Variants in SNRK observed in about 807,000 individuals in gnomAD.
SNRK encodes SNF-related serine/threonine-protein kinase.
In SNRK, 3 loss-of-function variants were observed where a neutral mutation model predicts 48.2. The ratio of observed to expected loss-of-function variants is 0.06; its 90% CI spans 0.03 to 0.16. The LOEUF is 0.16. SNRK is among the 10% of genes least tolerant of loss of function. The pLI is 1.00. For synonymous variants in SNRK, 376 were observed against 366.1 expected (o/e 1.03, Z -0.31); for missense variants, 627 against 976.0 (o/e 0.64, Z 4.76).
chr3:43,290,171 T>G (rs2090799929), intron 1 of SNRK, among the ~76,000 whole-genome samples: 2 of 152,224 alleles, frequency 1.3e-5, no homozygotes, highest in Non-Finnish European at 2.9e-5. Context: ...CAGAGACTAC[T>G]TCTTTGATCT....
chr3:43,287,738 A>G (rs1047570157), intron 1 of SNRK, among the ~76,000 whole-genome samples: 3 of 152,194 alleles, frequency 2.0e-5, no homozygotes, highest in Admixed American at 6.5e-5. Flanking sequence ...GGCTCCTTGT[A>G]TGGGATTGGA....
At chr3:43,307,526 T>A (rs77121015) in intron 3 of SNRK, among the ~76,000 whole-genome samples, 1 of 152,226 alleles carries the variant, frequency 6.6e-6, no homozygotes, top group African/African-American at 2.4e-5. Flanking sequence ...TTTTAAACTT[T>A]GTCATTATTT....
intron 3 of SNRK, among the ~76,000 whole-genome samples, chr3:43,306,566 T>G (rs1377187035): frequency 2.0e-5 from 3 of 151,568 alleles, no homozygotes; most frequent in Non-Finnish European, 4.4e-5. Flanking sequence ...ATCTTTGAGG[T>G]TTCCTATTTT....
intron 3 of SNRK, 63 bp from the exon 4 acceptor site, chr3:43,332,106 C>T (rs1380422702): frequency 1.6e-5 from 19 of 1,209,578 alleles, no homozygotes; most frequent in Non-Finnish European, 2.0e-5. Flanking sequence ...ATTGTTAGCG[C>T]ACTTTTAATG....
At position 43,348,219 on chromosome 3, in the gene SNRK, C is replaced by G; in HGVS notation, c.1960C>G (p.Leu654Val). The change falls in exon 7 of 7, where the codon CTC becomes GTC. Residue 654 changes from leucine to valine, a missense_variant. Around this residue, in one of 4 missense-constraint regions of SNRK, gnomAD observed 207 missense variants for 234.3 expected, o/e 0.88. Transcript: ENST00000296088. ...GAGCCTCAAACTCATGAGCCTCTGC[C>G]TCGGCTCCCAGCTTCATGGGAGCAC... is the stretch of plus-strand genomic sequence containing the variant. Reference protein sequence around the residue: ...VESLKLMSLCLGSQLHGSTKY... With the variant: ...VESLKLMSLCVGSQLHGSTKY... 6.2e-7 allele frequency: 1 copy of G among 1,611,286 alleles called. No homozygotes were observed. Among genetic ancestry groups the G allele is most frequent in the Non-Finnish European group, 8.5e-7 (1 of 1,178,662 alleles).
At chr3:43,324,460 G>A (rs867035472) in intron 3 of SNRK, among the ~76,000 whole-genome samples, 1 of 149,448 alleles carries the variant, frequency 6.7e-6, no homozygotes, top group Middle Eastern at 3.6e-3. Flanking sequence ...AGTAAGCTGC[G>A]ATCGTGTCAC....
In SNRK at chr3:43,297,939, AAG is replaced by A. The variant is rs201980237; in HGVS notation, c.-168-1809_-168-1808del. 4.1e-3 allele frequency among the ~76,000 whole-genome samples: 622 copies of A among 152,216 alleles called. 6 individuals are homozygous for A. The highest frequency in any genetic ancestry group is 0.014 in the African/African-American group (589 of 41,534). On this transcript the variant is annotated intron_variant, in intron 1 of 6. Coordinates refer to ENST00000296088, the MANE Select transcript of SNRK (RefSeq NM_017719.5). ...GAACTGGTCTATCTTATGAAAGCAA[AAG>A]AGAGATAATAGTTTGGTGAATTCAT...
intron 3 of SNRK, among the ~76,000 whole-genome samples, chr3:43,317,735 G>A (rs1011607980): frequency 3.9e-5 from 6 of 152,064 alleles, no homozygotes; most frequent in Non-Finnish European, 5.9e-5. Context: ...AGCCACTCTT[G>A]CCCCTGATTT....
chr3:43,317,671 G>C (rs2091023669), intron 3 of SNRK, among the ~76,000 whole-genome samples: 2 of 152,050 alleles, frequency 1.3e-5, no homozygotes, highest in African/African-American at 4.8e-5. Context: ...CTTGCTGTTA[G>C]GCACACTCCA....
chr3:43,306,269 A>G (rs2090937255), intron 3 of SNRK, among the ~76,000 whole-genome samples: 1 of 234 alleles, frequency 4.3e-3, no homozygotes, highest in Non-Finnish European at 0.042. Flanking sequence ...GTTAATCTAC[A>G]TTAGTTTATC....
chr3:43,323,820 AACAGTCT>A (rs2125633993), intron 3 of SNRK, among the ~76,000 whole-genome samples: 1 of 152,280 alleles, frequency 6.6e-6, no homozygotes, highest in East Asian at 1.9e-4. Context: ...CAGACTGCAA[AACAGTCT>A]GCATTATTGA....
Position 43,310,453 on chromosome 3 carries a change from C to G in SNRK, c.589+6661C>G, listed in dbSNP as rs140444001. ...TTTTTACTTCTTTTTTGGTTAATAA[C>G]ATTCTTATTTGCTTGTGTTTGTCTG... is the stretch of plus-strand genomic sequence containing the variant. On this transcript the variant is annotated intron_variant, in intron 3 of 6. Coordinates refer to ENST00000296088, the MANE Select transcript of SNRK (RefSeq NM_017719.5). 2.1e-3 allele frequency among the ~76,000 whole-genome samples: 324 copies of G among 152,132 alleles called. 1 individual carries two copies. The highest frequency in any genetic ancestry group is 7.5e-3 in the African/African-American group (310 of 41,518).
chr3:43,290,419 T>G (rs1250660998), intron 1 of SNRK, among the ~76,000 whole-genome samples: 1 of 152,192 alleles, frequency 6.6e-6, no homozygotes, highest in Non-Finnish European at 1.5e-5. Context: ...GTCCTGAAAG[T>G]CCAGTCTGAG....
rs1212380205 is a variant in SNRK, at chr3:43,350,180, T to G, written c.*1623T>G. 1 of 152,688 alleles carries G rather than the reference T, an allele frequency of 6.5e-6. No individual in the cohort carries two copies. Among genetic ancestry groups the G allele is most frequent in the Non-Finnish European group, 1.5e-5 (1 of 68,048 alleles). 9.5% of individuals were successfully genotyped at this position (152,688 alleles called of 1,614,324 possible). On this transcript the variant is annotated 3_prime_UTR_variant, in exon 7 of 7. Transcript: ENST00000296088. ...TAGACCTAGGCTAGATGTTTTAAGC[T>G]ACAGCTCTAGTTCATTGTGATATTT...
chr3:43,343,270 T>A (rs1175156252), intron 5 of SNRK, 74 bp from the exon 6 acceptor site: 1 of 1,494,842 alleles, frequency 6.7e-7, no homozygotes, highest in African/African-American at 1.4e-5. Flanking sequence ...CTTGTACTTT[T>A]AAAAATCAAT....
intron 5 of SNRK, 35 bp from the exon 6 acceptor site, chr3:43,343,309 A>G (rs781764687): frequency 1.3e-6 from 2 of 1,552,818 alleles, no homozygotes; most frequent in Non-Finnish European, 8.7e-7. Flanking sequence ...ACCTCCTGAT[A>G]TGGCTGACGT....
chr3:43,303,186 T>C lies in SNRK; in HGVS notation c.-18T>C. The C allele has an allele frequency of 6.3e-7, 1 of 1,576,976 alleles. No individual in the cohort carries two copies. Among genetic ancestry groups the C allele is most frequent in the Non-Finnish European group, 8.7e-7 (1 of 1,153,456 alleles). ...CTATTTTAAACAGTCTAAATATTTT[T>C]TCTTCTGTTGGACCAGCATGGCAGG... is the stretch of plus-strand genomic sequence containing the variant. On this transcript the variant is annotated 5_prime_UTR_variant, in exon 3 of 7. Coordinates refer to ENST00000296088, the MANE Select transcript of SNRK (RefSeq NM_017719.5). This position sits in a 1 kb window ranked among gnomAD's most constrained non-coding sequence, Gnocchi z 6.2.
intron 1 of SNRK, among the ~76,000 whole-genome samples, chr3:43,295,181 A>G (rs758925880): frequency 1.3e-5 from 2 of 152,174 alleles, no homozygotes; most frequent in East Asian, 3.8e-4. Context: ...CCTCTCTACA[A>G]ATACTAAGTA....
chr3:43,338,611 A>G (rs904381904), intron 4 of SNRK, among the ~76,000 whole-genome samples: 1 of 152,116 alleles, frequency 6.6e-6, no homozygotes, highest in African/African-American at 2.4e-5. Context: ...TTTCAAATAC[A>G]GTTTCTTCCT....
Sources: gnomAD v4.1 joint callset for allele counts (sites outside exome capture counted in the v4.1 genomes callset) on GRCh38, gnomAD v4.1.1 for gene constraint, gnomAD v4.1.1 regional missense constraint, Gnocchi (gnomAD v3.1) non-coding constraint, MANE v1.5 for transcripts, NCBI Gene and HGNC (gene_info 2026-07-23, HGNC 2026-07-21) for gene names.